Variants in JMY observed in about 807,000 individuals in gnomAD.
JMY encodes junction mediating and regulatory protein, p53 cofactor.
JMY carries 46 observed loss-of-function variants against 103.3 expected under a neutral mutation model. The ratio of observed to expected loss-of-function variants is 0.45; its 90% CI spans 0.35 to 0.57. The LOEUF (loss-of-function observed/expected upper bound fraction) is 0.57, where lower values mean the gene tolerates loss of function less well. Among genes scored for constraint, JMY ranks in the 20% least tolerant of loss-of-function variants. The pLI, the probability that JMY is intolerant of heterozygous loss-of-function variation, is 0.00. For synonymous variants in JMY, 526 were observed against 489.3 expected, an observed-to-expected ratio of 1.07 and a Z score of -0.99; for missense variants, 1,238 against 1,255.2, an observed-to-expected ratio of 0.99 and a Z score of 0.21.
chr5:79,281,255 A>G (rs1333214062), intron 2 of JMY, among the ~76,000 whole-genome samples: 1 of 151,688 alleles, frequency 6.6e-6, no homozygotes, highest in Non-Finnish European at 1.5e-5. Context: ...TGTGTTGGCC[A>G]GGATGGTCTC....
chr5:79,306,559 C>A, intron 7 of JMY, 98 bp downstream of exon 7: 1 of 820,180 alleles, frequency 1.2e-6, no homozygotes, highest in Non-Finnish European at 2.0e-6. Context: ...CTTATAACTG[C>A]ATGTTAACAT....
At chr5:79,293,959 T>G (rs1746496894) in intron 4 of JMY, among the ~76,000 whole-genome samples, 1 of 152,200 alleles carries the variant, frequency 6.6e-6, no homozygotes. Flanking sequence ...CGTTTTTTGT[T>G]TTAAACTATT....
chr5:79,258,543 C>T (rs568414461), intron 1 of JMY, among the ~76,000 whole-genome samples: 15 of 152,070 alleles, frequency 9.9e-5, no homozygotes, highest in South Asian at 8.3e-4. Flanking sequence ...AGTCATGGAG[C>T]GGTGAGGGGT....
chr5:79,315,202 C>G (rs902608030), intron 9 of JMY, among the ~76,000 whole-genome samples: 5 of 152,110 alleles, frequency 3.3e-5, no homozygotes, highest in Admixed American at 6.5e-5. Context: ...CTGGTAAGGA[C>G]TGTCACCACA....
At chr5:79,294,123 G>A (rs918530927) in intron 4 of JMY, among the ~76,000 whole-genome samples, 2 of 152,178 alleles carry the variant, frequency 1.3e-5, no homozygotes, top group Non-Finnish European at 2.9e-5. Flanking sequence ...CCATCATGAG[G>A]TTGGGCATGG....
intron 1 of JMY, among the ~76,000 whole-genome samples, chr5:79,273,002 A>T (rs951408478): frequency 6.6e-6 from 1 of 152,166 alleles, no homozygotes; most frequent in Non-Finnish European, 1.5e-5. Flanking sequence ...TTTATGCTTT[A>T]GGTTTCATAT....
At chr5:79,300,000 A>T (rs575012087) in intron 4 of JMY, among the ~76,000 whole-genome samples, 153 bp from the exon 5 acceptor site, 26 of 151,708 alleles carry the variant, frequency 1.7e-4, no homozygotes, top group South Asian at 4.2e-4. Flanking sequence ...ATATATATAT[A>T]TTTTTAAAGT....
rs1450826110 is a variant in JMY at position 79,326,124 on chromosome 5, T to C, written c.*4522T>C. On this transcript the variant is annotated 3_prime_UTR_variant, in exon 11 of 11. Transcript: ENST00000396137. ...GACTTGTTAAATAACTGATGAATGT[T>C]ATTTCACACTGAATCTCAAAGCAGT... 1 of 152,216 alleles carries C rather than the reference T, an allele frequency of 6.6e-6. No homozygotes were observed. Among genetic ancestry groups the C allele is most frequent in the East Asian group, 1.9e-4 (1 of 5,206 alleles). 9.4% of individuals were successfully genotyped at this position (152,216 alleles called of 1,614,324 possible).
chr5:79,240,780 A>T (rs1018493613), intron 1 of JMY, among the ~76,000 whole-genome samples: 10 of 152,184 alleles, frequency 6.6e-5, no homozygotes, highest in African/African-American at 2.4e-4. Context: ...AGTGTATAGG[A>T]TGCTAGCCAT....
intron 6 of JMY, among the ~76,000 whole-genome samples, chr5:79,304,913 A>C (rs1746835466): frequency 6.6e-6 from 1 of 152,204 alleles, no homozygotes; most frequent in African/African-American, 2.4e-5. Flanking sequence ...CCTAAGGAAA[A>C]GCAGCTAATA....
Position 79,265,933 on chromosome 5 carries a change from C to A in JMY, c.1033-11977C>A, listed in dbSNP as rs181389435. Among the ~76,000 whole-genome samples the A allele has an allele frequency of 5.0e-4, 76 of 152,136 alleles. 1 individual carries two copies. In the East Asian group the frequency reaches 0.013, roughly 26 times the overall value. ...GTAGCTGGGATTACTGGCATATGCG[C>A]CACCACACTCGGCTAGTACTGTATT... On this transcript the variant is annotated intron_variant, in intron 1 of 10. Coordinates refer to ENST00000396137, the MANE Select transcript of JMY (RefSeq NM_152405.5).
Position 79,237,192 on chromosome 5 carries a change from G to A in JMY, c.542G>A (p.Arg181Gln). 1.3e-6 allele frequency: 2 copies of A among 1,550,430 alleles called. No individual in the cohort carries two copies. Among genetic ancestry groups the A allele is most frequent in the South Asian group, 1.2e-5 (1 of 84,064 alleles). ...AGAGAGGCCCAGGTGTCCTCTGTAC[G>A]GATAGTGAGCGCCTCTGGGACGGTC... is the stretch of plus-strand genomic sequence containing the variant. The part of the protein sequence containing the change: ...APREAQVSSV[R>Q]IVSASGTVSE... Residue 181 changes from arginine to glutamine, a missense_variant, in exon 1 of 11, where the codon CGG becomes CAG. Arg to Gln is a conservative substitution (Grantham distance 43, BLOSUM62 1). Coordinates refer to ENST00000396137, the MANE Select transcript of JMY (RefSeq NM_152405.5).
chr5:79,305,616 A>G (rs976755896), intron 6 of JMY, among the ~76,000 whole-genome samples: 3 of 152,194 alleles, frequency 2.0e-5, no homozygotes, highest in Non-Finnish European at 1.5e-5. Context: ...AATTTTATAA[A>G]GTAGTGCATA....
chr5:79,276,929 G>A (rs1236918270), intron 1 of JMY, among the ~76,000 whole-genome samples: 1 of 152,034 alleles, frequency 6.6e-6, no homozygotes. Flanking sequence ...TACATACAAG[G>A]TCTCACTACA....
Position 79,236,820 on chromosome 5 carries a change from G to T in JMY, c.170G>T (p.Gly57Val). 1 of 1,470,536 alleles carries T rather than the reference G, an allele frequency of 6.8e-7. No homozygotes were observed. 91.1% of individuals were successfully genotyped at this position (1,470,536 alleles called of 1,614,324 possible). ...CGGACGGCCCAGAGGCAGAGGAGCG[G>T]CTCCCGGGAGCAAGCGGGGGCGCGA... is the stretch of plus-strand genomic sequence containing the variant. Reference protein sequence around the residue: ...HNRTAQRQRSGSREQAGARGG... With the variant: ...HNRTAQRQRSVSREQAGARGG... Residue 57 changes from glycine (G) to valine (V), a missense_variant, in exon 1 of 11, where the codon GGC becomes GTC. Coordinates refer to ENST00000396137, the MANE Select transcript of JMY (RefSeq NM_152405.5).
At chr5:79,264,880 GAGAA>G (rs1478286969) in intron 1 of JMY, among the ~76,000 whole-genome samples, 9 of 152,280 alleles carry the variant, frequency 5.9e-5, no homozygotes, top group Admixed American at 5.2e-4. Flanking sequence ...AATGCAGTGA[GAGAA>G]AGAGTGGGAA....
At chr5:79,284,626 G>T in intron 2 of JMY, 2 of 1,551,714 alleles carry the variant, frequency 1.3e-6, no homozygotes, top group Non-Finnish European at 1.8e-6. Flanking sequence ...TGCCATGGAA[G>T]TTAGGCAGTT....
At chr5:79,270,638 A>AATGCTTATATAAAAT (rs1449494764) in intron 1 of JMY, among the ~76,000 whole-genome samples, 7 of 140,948 alleles carry the variant, frequency 5.0e-5, no homozygotes, top group African/African-American at 1.6e-4. Flanking sequence ...TATTTACATA[A>AATGCTTATATAAAAT]ATATTTATAT....
chr5:79,298,337 G>GTTAC (rs979585356), intron 4 of JMY, among the ~76,000 whole-genome samples: 1 of 152,152 alleles, frequency 6.6e-6, no homozygotes, highest in African/African-American at 2.4e-5. Flanking sequence ...TGTATGCTGT[G>GTTAC]GTAATAGAGA....
Sources: gnomAD v4.1 joint callset for allele counts (sites outside exome capture counted in the v4.1 genomes callset) on GRCh38, gnomAD v4.1.1 for gene constraint, MANE v1.5 for transcripts, NCBI Gene and HGNC (gene_info 2026-07-23, HGNC 2026-07-21) for gene names.